Variants in FHIT observed in about 807,000 individuals in gnomAD.
FHIT encodes the protein fragile histidine triad diadenosine triphosphatase, also known as bis(5'-adenosyl)-triphosphatase.
A neutral mutation model predicts 17.9 loss-of-function variants in FHIT; 19 were observed. The observed-to-expected ratio is 1.06, with a 90% confidence interval of 0.74 to 1.56. FHIT has a LOEUF of 1.56. FHIT is among the 40% of genes most tolerant of loss of function. The pLI is 0.00. For synonymous variants in FHIT, 81 were observed against 69.7 expected, an observed-to-expected ratio of 1.16 and a Z score of -0.81; for missense variants, 248 against 189.2, an observed-to-expected ratio of 1.31 and a Z score of -1.82.
intron 5 of FHIT, among the ~76,000 whole-genome samples, chr3:60,463,246 AT>A (rs1486587936): frequency 2.0e-5 from 3 of 152,212 alleles, no homozygotes; most frequent in African/African-American, 4.8e-5. Flanking sequence ...GGAAAAAAAA[AT>A]CCTGTTTTTC....
chr3:61,005,931 C>T (rs2031416975), intron 3 of FHIT, among the ~76,000 whole-genome samples: 2 of 150,326 alleles, frequency 1.3e-5, no homozygotes, highest in Non-Finnish European at 3.0e-5. Context: ...TAGCTGTGTC[C>T]TCACCCACTC....
At chr3:59,851,211 A>C (rs1212986820) in intron 8 of FHIT, among the ~76,000 whole-genome samples, 1 of 152,138 alleles carries the variant, frequency 6.6e-6, no homozygotes, top group Non-Finnish European at 1.5e-5. Flanking sequence ...GAGTGGTGTA[A>C]TCCTCATAGC....
chr3:61,142,061 CT>C (rs1165187123), intron 2 of FHIT, among the ~76,000 whole-genome samples: 1 of 151,476 alleles, frequency 6.6e-6, no homozygotes, highest in Non-Finnish European at 1.5e-5. Flanking sequence ...CAAAGCTTCA[CT>C]TGCTTTTTAC....
At chr3:59,842,682 C>G (rs1376408651) in intron 8 of FHIT, among the ~76,000 whole-genome samples, 1 of 152,138 alleles carries the variant, frequency 6.6e-6, no homozygotes, top group African/African-American at 2.4e-5. Context: ...ATCTTTTCAA[C>G]TGTTTATTGG....
intron 5 of FHIT, among the ~76,000 whole-genome samples, chr3:60,515,996 G>C (rs567177985): frequency 4.6e-5 from 7 of 152,242 alleles, no homozygotes; most frequent in Non-Finnish European, 7.4e-5. Flanking sequence ...ATTTTTAAGT[G>C]AACACTCAAG....
chr3:60,236,086 A>G (rs181788761), intron 5 of FHIT, among the ~76,000 whole-genome samples: 143 of 151,986 alleles, frequency 9.4e-4, no homozygotes, highest in Non-Finnish European at 4.4e-4. Flanking sequence ...GCCCAAATGC[A>G]TCTTCTCTAT....
intron 3 of FHIT, among the ~76,000 whole-genome samples, chr3:60,864,228 A>G (rs1440556152): frequency 3.3e-5 from 5 of 152,134 alleles, no homozygotes; most frequent in Non-Finnish European, 7.4e-5. Context: ...GGTAGGTACA[A>G]TTCAAGATGA....
chr3:60,441,038 C>A lies in FHIT; in HGVS notation c.103+95822G>T, dbSNP rs532605079. Among the ~76,000 whole-genome samples the A allele has an allele frequency of 2.6e-5, 4 of 152,170 alleles. No individual in the cohort carries two copies. In the South Asian group the frequency reaches 8.3e-4, roughly 32 times the overall value. Reference sequence around the variant, plus strand: ...TTTCTTGGAAATCAGCATGTTCACCCCTTTTGTTTTTGCTTTTGTTCTTAG... The same window carrying A: ...TTTCTTGGAAATCAGCATGTTCACCACTTTTGTTTTTGCTTTTGTTCTTAG... On this transcript the variant is annotated intron_variant, in intron 5 of 9. Coordinates refer to ENST00000492590, the MANE Select transcript of FHIT (RefSeq NM_002012.4).
At chr3:61,188,246 G>T (rs149834571) in intron 2 of FHIT, among the ~76,000 whole-genome samples, 2,149 of 151,958 alleles carry the variant, frequency 0.014, 56 homozygotes, top group African/African-American at 0.049. Flanking sequence ...ATGATAAAGG[G>T]GATATCACCA....
At chr3:60,667,712 T>C (rs1380005968) in intron 4 of FHIT, among the ~76,000 whole-genome samples, 2 of 145,110 alleles carry the variant, frequency 1.4e-5, no homozygotes, top group Non-Finnish European at 3.0e-5. Flanking sequence ...CCTATTATGA[T>C]AGGAGAGACT....
intron 5 of FHIT, among the ~76,000 whole-genome samples, chr3:60,226,698 A>T (rs1704223827): frequency 6.6e-6 from 1 of 152,112 alleles, no homozygotes; most frequent in African/African-American, 2.4e-5. Flanking sequence ...AGGAGGGAGA[A>T]TCAGGAAGGG....
chr3:60,715,721 T>C (rs1036795667), intron 4 of FHIT, among the ~76,000 whole-genome samples: 4 of 151,916 alleles, frequency 2.6e-5, no homozygotes, highest in African/African-American at 4.8e-5. Context: ...TGTATACATA[T>C]GTAACTAACC....
chr3:61,230,549 T>A (rs1576267217), intron 1 of FHIT, among the ~76,000 whole-genome samples: 1 of 152,134 alleles, frequency 6.6e-6, no homozygotes, highest in Non-Finnish European at 1.5e-5. Context: ...TGTATTTCTT[T>A]ATAGCAATGC....
chr3:59,824,749 T>C (rs1429269237), intron 8 of FHIT, among the ~76,000 whole-genome samples: 1 of 152,208 alleles, frequency 6.6e-6, no homozygotes, highest in East Asian at 1.9e-4. Flanking sequence ...AGATTCAGTG[T>C]GTTAAATCAA....
chr3:60,096,973 G>C (rs1703975803), intron 5 of FHIT, among the ~76,000 whole-genome samples: 1 of 147,738 alleles, frequency 6.8e-6, no homozygotes. Flanking sequence ...TTCAGGCTAG[G>C]AGTTCAAGGC....
intron 5 of FHIT, among the ~76,000 whole-genome samples, chr3:60,155,469 T>C (rs940107439): frequency 6.6e-6 from 1 of 152,130 alleles, no homozygotes; most frequent in African/African-American, 2.4e-5. Flanking sequence ...TACTACTACC[T>C]GCCCAGTGTC....
chr3:60,521,494 A>T (rs577776932), intron 5 of FHIT, among the ~76,000 whole-genome samples: 1 of 151,992 alleles, frequency 6.6e-6, no homozygotes, highest in Non-Finnish European at 1.5e-5. Flanking sequence ...TGATCCGCCC[A>T]CCTCGGCCTC....
At chr3:60,314,418 T>A (rs145217325) in intron 5 of FHIT, among the ~76,000 whole-genome samples, 1,663 of 152,168 alleles carry the variant, frequency 0.011, 25 homozygotes, top group Non-Finnish European at 0.015. Context: ...CGAGCCTGGA[T>A]AAAATAAAAC....
chr3:60,118,572 A>C (rs1434040695), intron 5 of FHIT, among the ~76,000 whole-genome samples: 1 of 152,054 alleles, frequency 6.6e-6, no homozygotes, highest in Non-Finnish European at 1.5e-5. Flanking sequence ...TTACTTTAGA[A>C]TCTTTGGTCT....
Sources: allele counts gnomAD v4.1 joint callset (sites outside exome capture counted in the v4.1 genomes callset), GRCh38; gene constraint gnomAD v4.1.1; transcripts MANE v1.5; gene names NCBI Gene and HGNC (gene_info 2026-07-23, HGNC 2026-07-21).